Variants in USP24 observed in about 807,000 individuals in gnomAD.
The protein encoded by USP24 is ubiquitin carboxyl-terminal hydrolase 24.
Under a neutral mutation model 361.6 loss-of-function variants are expected in USP24, and 97 were observed. That is an observed-to-expected ratio of 0.27 (90% confidence interval 0.23 to 0.32). The LOEUF (loss-of-function observed/expected upper bound fraction) is 0.32, where lower values mean the gene tolerates loss of function less well. USP24 is among the 10% of genes least tolerant of loss of function. USP24 has a pLI of 1.00. For synonymous variants in USP24, 1,098 were observed against 1,124.6 expected (o/e 0.98, Z 0.47); for missense variants, 2,353 against 3,165.6 (o/e 0.74, Z 6.16).
At chr1:55,133,233 C>T (rs556365109) in intron 30 of USP24, among the ~76,000 whole-genome samples, 1 of 152,086 alleles carries the variant, frequency 6.6e-6, no homozygotes, top group African/African-American at 2.4e-5. Context: ...CATAATTAAA[C>T]AATATTATAG....
intron 1 of USP24, among the ~76,000 whole-genome samples, chr1:55,185,464 T>A (rs547625159): frequency 1.3e-4 from 19 of 151,206 alleles, no homozygotes; most frequent in African/African-American, 2.4e-4. Context: ...TGAAAAAATT[T>A]AAAAAAAAGG....
In USP24 at chr1:55,188,382, A is replaced by G. The variant is rs553189180; in HGVS notation, c.325-10250T>C. Among the ~76,000 whole-genome samples the G allele has an allele frequency of 2.0e-5, 3 of 152,258 alleles. No homozygotes were observed. The East Asian group carries it at 5.8e-4, about 29-fold the overall frequency. ...CAAAAATAAAAATTTTTGTGCATCA[A>G]AAGTCACCATTAAGAAAGTGAAAAA... is the stretch of plus-strand genomic sequence containing the variant. On this transcript the variant is annotated intron_variant, in intron 1 of 67. Coordinates refer to ENST00000294383, the MANE Select transcript of USP24 (RefSeq NM_015306.3).
chr1:55,191,961 G>A lies in USP24; in HGVS notation c.325-13829C>T, dbSNP rs532150447. 2.0e-3 allele frequency among the ~76,000 whole-genome samples: 312 copies of A among 152,220 alleles called. 2 individuals carry two copies. Among genetic ancestry groups the A allele is most frequent in the African/African-American group, 7.2e-3 (298 of 41,526 alleles). On this transcript the variant is annotated intron_variant, in intron 1 of 67. Coordinates refer to ENST00000294383, the MANE Select transcript of USP24 (RefSeq NM_015306.3). ...CCTTTCATATTGCAAATTTTAGTTA[G>A]ACATGTTTGTACATACGTTGCTATC...
chr1:55,194,326 C>A (rs1026129440), intron 1 of USP24, among the ~76,000 whole-genome samples: 5 of 152,186 alleles, frequency 3.3e-5, no homozygotes, highest in African/African-American at 1.2e-4. Flanking sequence ...ACTTCTTAAT[C>A]TATTTGCCTT....
intron 51 of USP24, 110 bp from the exon 52 acceptor site, chr1:55,094,197 T>C (rs1459359366): frequency 1.0e-5 from 11 of 1,088,350 alleles, no homozygotes; most frequent in East Asian, 2.6e-5. Flanking sequence ...TTGATTATTA[T>C]ACATGTATCG....
At chr1:55,199,741 A>G (rs1006638443) in intron 1 of USP24, among the ~76,000 whole-genome samples, 20 of 152,154 alleles carry the variant, frequency 1.3e-4, no homozygotes, top group Non-Finnish European at 2.6e-4. Flanking sequence ...TGATTTCTGT[A>G]GACTATAAAT....
Position 55,069,092 on chromosome 1 carries a change from T to C in USP24, c.7816A>G (p.Met2606Val). The change falls in exon 68 of 68, where the codon ATG (methionine) becomes GTG (valine). Residue 2606 changes from methionine (M) to valine (V), a missense_variant. Physicochemically the swap from Met to Val is conservative, Grantham distance 21. This residue lies in a region of USP24 where 53 missense variants were observed against 57.7 expected (regional missense o/e 0.92). Transcript: ENST00000294383. Reference protein sequence around the residue: ...RHLQQGSESPMMIGELRSDLD... With the variant: ...RHLQQGSESPVMIGELRSDLD... Reference sequence around the variant, plus strand: ...TCACTTCTCAACTCACCAATCATCATGGGAGATTCTGAACCCTGCAGAAAA... The same window carrying C: ...TCACTTCTCAACTCACCAATCATCACGGGAGATTCTGAACCCTGCAGAAAA... 1.1e-5 allele frequency: 18 copies of C among 1,614,004 alleles called. No individual in the cohort carries two copies. The highest frequency in any genetic ancestry group is 1.5e-5 in the Non-Finnish European group (18 of 1,179,892).
At position 55,110,167 on chromosome 1, in the gene USP24, T is replaced by C. The variant is rs1645909043; in HGVS notation, c.4570+18A>G. The C allele has an allele frequency of 2.6e-6, 4 of 1,541,926 alleles. No homozygotes were observed. Among genetic ancestry groups the C allele is most frequent in the East Asian group, 2.4e-5 (1 of 41,260 alleles). ...TCTTCCCCAGCCCCTCTCCCCTACA[T>C]ATTAGTCATTTACTTACTTGTCAGA... On this transcript the variant is annotated intron_variant, in intron 39 of 67. Transcript: ENST00000294383.
chr1:55,126,676 G>A (rs908560589), intron 32 of USP24, among the ~76,000 whole-genome samples: 6 of 152,220 alleles, frequency 3.9e-5, no homozygotes. Flanking sequence ...CCTCTACAGT[G>A]TGGAACACAG....
intron 32 of USP24, among the ~76,000 whole-genome samples, chr1:55,128,541 T>A (rs534418202): frequency 1.3e-5 from 2 of 152,194 alleles, no homozygotes; most frequent in African/African-American, 4.8e-5. Context: ...CTTCCCTCCT[T>A]ATTTACCTAG....
At chr1:55,079,335 T>C (rs1645095289) in intron 60 of USP24, among the ~76,000 whole-genome samples, 1 of 152,238 alleles carries the variant, frequency 6.6e-6, no homozygotes, top group Non-Finnish European at 1.5e-5. Flanking sequence ...CTGGCTGGGC[T>C]GGACCTGGAG....
chr1:55,200,531 C>CTT (rs201655570), intron 1 of USP24, among the ~76,000 whole-genome samples: 1 of 151,582 alleles, frequency 6.6e-6, no homozygotes, highest in Non-Finnish European at 1.5e-5. Flanking sequence ...ACTCCACATA[C>CTT]TTTTTTTTTA....
intron 39 of USP24, among the ~76,000 whole-genome samples, chr1:55,108,527 G>C (rs370142489): frequency 6.6e-6 from 1 of 152,184 alleles, no homozygotes; most frequent in African/African-American, 2.4e-5. Context: ...CTACACTGCA[G>C]GGTGCTGTGT....
chr1:55,125,394 G>A lies in USP24; in HGVS notation c.3886C>T (p.Arg1296Ter), dbSNP rs768862591. The A allele has an allele frequency of 1.2e-6, 2 of 1,613,920 alleles. No homozygotes were observed. The highest frequency in any genetic ancestry group is 1.3e-5 in the African/African-American group (1 of 75,024). ...LCGTPEKSSY[R>*]QLSVSDRSSI... ...GACCTATCAGACACGGACAACTGTCGGTAGGATGACTTTTCTGGGGTACCA... is the reference window on the plus strand; with the variant it reads ...GACCTATCAGACACGGACAACTGTCAGTAGGATGACTTTTCTGGGGTACCA... The change falls in exon 34 of 68, where the codon CGA becomes TGA. Residue 1296 changes from arginine to a stop codon, truncating the protein, a stop_gained. Coordinates refer to ENST00000294383, the MANE Select transcript of USP24 (RefSeq NM_015306.3). LOFTEE classifies it high-confidence loss of function.
chr1:55,187,597 G>C (rs1216274901), intron 1 of USP24, among the ~76,000 whole-genome samples: 1 of 152,156 alleles, frequency 6.6e-6, no homozygotes, highest in Non-Finnish European at 1.5e-5. Flanking sequence ...CAAGGCTGCA[G>C]AATACAGTAT....
At chr1:55,189,763 A>T (rs1306149347) in intron 1 of USP24, among the ~76,000 whole-genome samples, 1 of 152,232 alleles carries the variant, frequency 6.6e-6, no homozygotes, top group East Asian at 1.9e-4. Flanking sequence ...GATTATAGTC[A>T]CTAAAGAAAG....
chr1:55,171,214 CA>C (rs1195759873), intron 5 of USP24, among the ~76,000 whole-genome samples: 1 of 152,026 alleles, frequency 6.6e-6, no homozygotes, highest in Non-Finnish European at 1.5e-5. Context: ...TTTCTAGGTA[CA>C]AGTAATCATT....
intron 7 of USP24, among the ~76,000 whole-genome samples, chr1:55,163,728 CA>C (rs1201659543): frequency 6.6e-6 from 1 of 152,018 alleles, no homozygotes; most frequent in Non-Finnish European, 1.5e-5. Context: ...CTTGAACAAA[CA>C]AGCTTGAATT....
chr1:55,171,656 TATTC>T lies in USP24; in HGVS notation c.721_724del (p.Glu241ThrfsTer7). The T allele has an allele frequency of 6.2e-7, 1 of 1,604,906 alleles. No individual in the cohort carries two copies. Reference sequence around the variant, plus strand: ...CACTTTCATTCTGTTTTTAAAATGGTATTCATTATCAGGATTGAAAGCCTAGATT... The same window carrying T: ...CACTTTCATTCTGTTTTTAAAATGGTATTATCAGGATTGAAAGCCTAGATT... On this transcript the variant is annotated frameshift_variant, in exon 5 of 68. Transcript: ENST00000294383. LOFTEE classifies it high-confidence loss of function.
Sources: allele counts gnomAD v4.1 joint callset (sites outside exome capture counted in the v4.1 genomes callset), GRCh38; gene constraint gnomAD v4.1.1; regional missense constraint gnomAD v4.1.1; transcripts MANE v1.5; gene names NCBI Gene and HGNC (gene_info 2026-07-23, HGNC 2026-07-21).